Variants in ACOT11 observed in about 807,000 individuals in gnomAD.
ACOT11 encodes the protein acyl-coenzyme A thioesterase 11.
Under a neutral mutation model 77.5 loss-of-function variants are expected in ACOT11, and 69 were observed. The observed-to-expected ratio is 0.89, with a 90% CI of 0.73 to 1.09. The LOEUF is 1.09. ACOT11 is among the 50% of genes least tolerant of loss of function. The pLI is 0.00. For missense variants in ACOT11, 766 were observed against 813.7 expected (o/e 0.94, Z 0.71); for synonymous variants, 279 against 313.0 (o/e 0.89, Z 1.15).
At chr1:54,580,560 C>T (rs535104545) in intron 1 of ACOT11, among the ~76,000 whole-genome samples, 1 of 152,352 alleles carries the variant, frequency 6.6e-6, no homozygotes, top group East Asian at 1.9e-4. Context: ...TTCTGTTTCT[C>T]CTTTTTGCTG....
chr1:54,631,491 C>T (rs779478042), intron 16 of ACOT11, among the ~76,000 whole-genome samples: 7 of 152,172 alleles, frequency 4.6e-5, no homozygotes, highest in Non-Finnish European at 7.3e-5. Flanking sequence ...CTGCTCAGTT[C>T]TTACAATTTA....
chr1:54,586,869 C>A (rs994347546), intron 3 of ACOT11, among the ~76,000 whole-genome samples: 3 of 152,138 alleles, frequency 2.0e-5, no homozygotes, highest in Non-Finnish European at 2.9e-5. Flanking sequence ...AGCCCTCAGC[C>A]CAGGACAGGC....
chr1:54,558,845 C>T (rs1294143659), intron 1 of ACOT11, among the ~76,000 whole-genome samples: 2 of 152,212 alleles, frequency 1.3e-5, no homozygotes, highest in African/African-American at 2.4e-5. Context: ...GTTGTCTTGC[C>T]TACCTGCCTG....
intron 3 of ACOT11, among the ~76,000 whole-genome samples, chr1:54,586,358 G>A (rs573522): frequency 0.4 from 60,226 of 151,852 alleles, 14,020 homozygotes; most frequent in Non-Finnish European, 0.54. Context: ...CAGAAGCTTG[G>A]GCCATTCAAC....
chr1:54,588,541 A>G (rs745445874), intron 3 of ACOT11, among the ~76,000 whole-genome samples: 1 of 152,058 alleles, frequency 6.6e-6, no homozygotes, highest in Non-Finnish European at 1.5e-5. Context: ...GCTCTTAACC[A>G]ATGGGCTGTA....
chr1:54,604,222 G>C, intron 11 of ACOT11, 124 bp from the exon 12 acceptor site: 1 of 858,108 alleles, frequency 1.2e-6, no homozygotes, highest in Non-Finnish European at 1.8e-6. Flanking sequence ...AGCACCTGCC[G>C]CACCACCCAC....
chr1:54,571,845 T>G (rs1225308102), intron 1 of ACOT11, among the ~76,000 whole-genome samples: 1 of 151,610 alleles, frequency 6.6e-6, no homozygotes, highest in Non-Finnish European at 1.5e-5. Flanking sequence ...GTGAGGGGGA[T>G]GCTGAGTGGG....
chr1:54,611,603 T>A, downstream of ACOT11: 1 of 1,613,580 alleles, frequency 6.2e-7, no homozygotes, highest in Admixed American at 1.7e-5. Flanking sequence ...TTCCTCTCCT[T>A]ACAGGCCAGC....
intron 3 of ACOT11, among the ~76,000 whole-genome samples, chr1:54,590,099 A>C (rs1253113008): frequency 6.6e-6 from 1 of 151,872 alleles, no homozygotes; most frequent in Non-Finnish European, 1.5e-5. Context: ...AAAAAAAAAA[A>C]ACAAAAAAAC....
At chr1:54,564,169 C>G (rs923590040) in intron 1 of ACOT11, among the ~76,000 whole-genome samples, 3 of 151,326 alleles carry the variant, frequency 2.0e-5, no homozygotes, top group East Asian at 1.9e-4. Context: ...GAGCCTGGGA[C>G]GTAGAGGCTG....
At chr1:54,554,351 A>ATATTTTTTT (rs1553161034) in intron 1 of ACOT11, among the ~76,000 whole-genome samples, 1 of 97,258 alleles carries the variant, frequency 1.0e-5, no homozygotes, top group African/African-American at 4.3e-5. Context: ...ATATATATAT[A>ATATTTTTTT]TTTTTTTTTT....
At position 54,548,459 on chromosome 1, in the gene ACOT11, T is replaced by C. The variant is rs188130644; in HGVS notation, c.33+117T>C. The stretch of plus-strand genomic sequence containing the variant: ...ATCTCCTCACACTCTCCACGGGCCA[T>C]TTTCTAGCTCTCTTTGGAAGGAGAA... On this transcript the variant is annotated intron_variant, in intron 1 of 15. Transcript: ENST00000343744. 9.8e-4 allele frequency: 1,267 copies of C among 1,287,280 alleles called. 16 individuals carry two copies. The Admixed American group carries it at 0.022, about 22-fold the overall frequency. The allele number at this position is 1,287,280 out of a possible 1,614,324, so 79.7% of individuals were successfully genotyped here. A position where few individuals can be genotyped will look rare whatever the true frequency, so the allele number is the denominator to read the frequency against.
chr1:54,592,487 G>T (rs17394626), intron 3 of ACOT11, 59 bp from the exon 4 acceptor site: 102,347 of 1,513,646 alleles, frequency 0.068, 3,940 homozygotes, highest in Middle Eastern at 0.08. Context: ...AGTATCTGAG[G>T]CCCCTGTTCC....
intron 1 of ACOT11, among the ~76,000 whole-genome samples, chr1:54,553,532 G>A (rs980907159): frequency 6.6e-6 from 1 of 151,694 alleles, no homozygotes; most frequent in African/African-American, 2.4e-5. Flanking sequence ...TACAAATGAT[G>A]TTTTGAAGTA....
chr1:54,593,456 TG>T (rs1158306123), intron 4 of ACOT11, among the ~76,000 whole-genome samples: 8 of 120,790 alleles, frequency 6.6e-5, no homozygotes, highest in African/African-American at 2.8e-4. Context: ...TGTGTGTGTG[TG>T]GTTTTTTTTT....
rs114153052 is a variant in ACOT11 at position 54,584,780 on chromosome 1, G to A, written c.159G>A (p.Val53=). Residue 53 remains valine (V), a synonymous_variant, in exon 2 of 16, where the codon GTG becomes GTA. Transcript: ENST00000343744. This position sits in a 1 kb window ranked among gnomAD's most constrained non-coding sequence, Gnocchi z 6.3. ...CGGAGGTGCAGATGAGCCAGCTGGTGCTGCCCTGCCACACCAACCAACGTG... is the reference window on the plus strand; with the variant it reads ...CGGAGGTGCAGATGAGCCAGCTGGTACTGCCCTGCCACACCAACCAACGTG... ...NPTEVQMSQL[V]LPCHTNQRGE... 1.5e-3 allele frequency: 2,410 copies of A among 1,613,824 alleles called. 30 individuals are homozygous for A. In the African/African-American group the frequency reaches 0.029, roughly 19 times the overall value.
intron 7 of ACOT11, 75 bp from the exon 8 acceptor site, chr1:54,599,220 AT>A (rs1186223086): frequency 2.1e-4 from 22 of 104,838 alleles, no homozygotes; most frequent in African/African-American, 1.5e-3. Context: ...ATATATATAT[AT>A]ATAAAAATCT....
At chr1:54,569,712 C>G (rs1286864692) in intron 1 of ACOT11, among the ~76,000 whole-genome samples, 2 of 152,196 alleles carry the variant, frequency 1.3e-5, no homozygotes, top group African/African-American at 4.8e-5. Flanking sequence ...AATAATAAGG[C>G]TGTTTTCCCA....
chr1:54,614,165 TTCTCTCTCTTTGTAAACTG>T (rs1379387517), downstream of ACOT11, among the ~76,000 whole-genome samples: 1 of 152,180 alleles, frequency 6.6e-6, no homozygotes, highest in Non-Finnish European at 1.5e-5. Context: ...ATCAAAGACA[TTCTCTCTCTTTGTAAACTG>T]TAGAGCACTG....
Sources: allele counts gnomAD v4.1 joint callset (sites outside exome capture counted in the v4.1 genomes callset), GRCh38; gene constraint gnomAD v4.1.1; non-coding constraint Gnocchi (gnomAD v3.1); transcripts MANE v1.5; gene names NCBI Gene and HGNC (gene_info 2026-07-23, HGNC 2026-07-21).